Variants in SCARB2 observed in about 807,000 individuals in gnomAD.
SCARB2 encodes lysosome membrane protein 2.
SCARB2 carries 29 observed loss-of-function variants against 58.6 expected under a neutral mutation model. The observed-to-expected ratio is 0.49, with a 90% confidence interval of 0.37 to 0.67. The LOEUF (loss-of-function observed/expected upper bound fraction) is 0.67, where lower values mean the gene tolerates loss of function less well. Among genes scored for constraint, SCARB2 ranks in the 30% least tolerant of loss-of-function variants. The probability of loss-of-function intolerance (pLI) is 0.00; values close to 1 mark genes in which losing one functional copy is unlikely to be tolerated. For missense variants in SCARB2, 488 were observed against 578.5 expected (o/e 0.84, Z 1.60); for synonymous variants, 195 against 210.1 (o/e 0.93, Z 0.62).
At position 76,158,913 on chromosome 4, in the gene SCARB2, T is replaced by C. The variant is rs1731837615; in HGVS notation, c.*2800A>G. Reference sequence around the variant, plus strand: ...GTGATAATGTCCAGAGGGCCAAGGATGCGGACCACCTTTTGCAGAACTCAT... The same window carrying C: ...GTGATAATGTCCAGAGGGCCAAGGACGCGGACCACCTTTTGCAGAACTCAT... On this transcript the variant is annotated 3_prime_UTR_variant, in exon 12 of 12. Transcript: ENST00000264896. The C allele has an allele frequency of 6.6e-6, 1 of 152,234 alleles. No individual in the cohort carries two copies. Among genetic ancestry groups the C allele is most frequent in the Non-Finnish European group, 1.5e-5 (1 of 68,038 alleles). 9.4% of individuals were successfully genotyped at this position (152,234 alleles called of 1,614,324 possible). A position where few individuals can be genotyped will look rare whatever the true frequency, so the allele number is the denominator to read the frequency against.
intron 7 of SCARB2, among the ~76,000 whole-genome samples, chr4:76,170,798 G>C (rs1282987852): frequency 6.6e-6 from 1 of 151,996 alleles, no homozygotes; most frequent in Non-Finnish European, 1.5e-5. Context: ...GAGATTACAG[G>C]CTTGAGCCAC....
At chr4:76,174,409 G>C in intron 6 of SCARB2, 96 bp from the exon 7 acceptor site, 1 of 1,086,134 alleles carries the variant, frequency 9.2e-7, no homozygotes, top group Non-Finnish European at 1.4e-6. Flanking sequence ...GTACAACATG[G>C]CCAAAAGCTC....
rs1399290590 is a variant in SCARB2 at position 76,183,597 on chromosome 4, G to T, written c.276-2496C>A. On this transcript the variant is annotated intron_variant, in intron 2 of 11. Transcript: ENST00000264896. ...ACTCTCCAGGAACCTCCCCATGTTTGGTTCTCTGGAAACTCTCCAAATTCA... is the reference window on the plus strand; with the variant it reads ...ACTCTCCAGGAACCTCCCCATGTTTTGTTCTCTGGAAACTCTCCAAATTCA... Among the ~76,000 whole-genome samples the T allele has an allele frequency of 5.9e-5, 9 of 152,204 alleles. No homozygotes were observed. The East Asian group carries it at 7.7e-4, about 13-fold the overall frequency.
rs1731885810 is a variant in SCARB2 at position 76,160,954 on chromosome 4, A to G, written c.*759T>C. 1 of 152,228 alleles carries G rather than the reference A, an allele frequency of 6.6e-6. No homozygotes were observed. The highest frequency in any genetic ancestry group is 1.5e-5 in the Non-Finnish European group (1 of 68,048). 9.4% of individuals were successfully genotyped at this position (152,228 alleles called of 1,614,324 possible). A position where few individuals can be genotyped will look rare whatever the true frequency, so the allele number is the denominator to read the frequency against. ...ACTATCCACAAGCATCATAACTAGC[A>G]ATTAATTCTACATGAAATATCTGTA... On this transcript the variant is annotated 3_prime_UTR_variant, in exon 12 of 12. Coordinates refer to ENST00000264896, the MANE Select transcript of SCARB2 (RefSeq NM_005506.4).
At chr4:76,209,206 T>C (rs768911323) in intron 1 of SCARB2, among the ~76,000 whole-genome samples, 27 of 152,256 alleles carry the variant, frequency 1.8e-4, no homozygotes, top group Admixed American at 4.6e-4. Flanking sequence ...GGAGATGAGG[T>C]AGATATGCAA....
At chr4:76,225,474 G>C (rs959333858) in intron 1 of SCARB2, among the ~76,000 whole-genome samples, 3 of 152,144 alleles carry the variant, frequency 2.0e-5, no homozygotes, top group Non-Finnish European at 4.4e-5. Flanking sequence ...CCAGTTCTTA[G>C]GGAAATGCTT....
intron 1 of SCARB2, among the ~76,000 whole-genome samples, chr4:76,220,640 T>A (rs1733291340): frequency 6.6e-6 from 1 of 152,182 alleles, no homozygotes; most frequent in Admixed American, 6.5e-5. Context: ...AAGAATGAAG[T>A]CCTGATACAT....
At position 76,161,541 on chromosome 4, in the gene SCARB2, C is replaced by G; in HGVS notation, c.*172G>C. ...GATTTTATAAAGCTTAATGGCCAGC[C>G]ATGTCAGCCTGCTCTTTAACCTCTG... On this transcript the variant is annotated 3_prime_UTR_variant, in exon 12 of 12. Coordinates refer to ENST00000264896, the MANE Select transcript of SCARB2 (RefSeq NM_005506.4). 5 of 676,546 alleles carry G rather than the reference C, an allele frequency of 7.4e-6. No individual in the cohort carries two copies. The South Asian group carries it at 8.5e-5, about 11-fold the overall frequency. 41.9% of individuals were successfully genotyped at this position (676,546 alleles called of 1,614,324 possible).
chr4:76,222,213 ATATTTCC>A (rs1560727571), intron 1 of SCARB2, among the ~76,000 whole-genome samples: 1 of 151,428 alleles, frequency 6.6e-6, no homozygotes, highest in Non-Finnish European at 1.5e-5. Context: ...TCTGGGCATC[ATATTTCC>A]TATCTTCTTT....
intron 1 of SCARB2, among the ~76,000 whole-genome samples, chr4:76,209,695 A>G (rs1218773181): frequency 1.3e-5 from 2 of 152,242 alleles, no homozygotes; most frequent in Non-Finnish European, 2.9e-5. Context: ...GAATCGGTAG[A>G]ACAGCTCCAG....
At position 76,161,062 on chromosome 4, in the gene SCARB2, A is replaced by G. The variant is rs1335498313; in HGVS notation, c.*651T>C. Reference sequence around the variant, plus strand: ...AAATCCTTAGGAGCTTATCACTATCAACTCATGGGTATTGCCCCACCCAAC... The same window carrying G: ...AAATCCTTAGGAGCTTATCACTATCGACTCATGGGTATTGCCCCACCCAAC... On this transcript the variant is annotated 3_prime_UTR_variant, in exon 12 of 12. Transcript: ENST00000264896. 6.5e-6 allele frequency: 1 copy of G among 153,624 alleles called. No individual in the cohort carries two copies. Among genetic ancestry groups the G allele is most frequent in the Non-Finnish European group, 1.5e-5 (1 of 68,842 alleles). 9.5% of individuals were successfully genotyped at this position (153,624 alleles called of 1,614,324 possible).
chr4:76,176,624 C>A, intron 4 of SCARB2, 96 bp from the exon 5 acceptor site: 3 of 804,028 alleles, frequency 3.7e-6, no homozygotes, highest in Non-Finnish European at 6.4e-6. Context: ...CAAACACTAG[C>A]CCAGATGGTG....
rs778888489 is a variant in SCARB2, at chr4:76,174,184, G to C, written c.954C>G (p.Cys318Trp). Residue 318 changes from cysteine to tryptophan, a missense_variant, in exon 7 of 12, where the codon TGC becomes TGG. Coordinates refer to ENST00000264896, the MANE Select transcript of SCARB2 (RefSeq NM_005506.4). ...TGACATTCAGAACTCCTGAGCCCAG[G>C]CAGTTTCCCTCAGGTATACAGAAGC... The part of the protein sequence containing the change: ...NAGFCIPEGN[C>W]LGSGVLNVSI... The C allele has an allele frequency of 6.2e-7, 1 of 1,614,092 alleles. No homozygotes were observed. The highest frequency in any genetic ancestry group is 2.2e-5 in the East Asian group (1 of 44,872).
At chr4:76,228,546 T>G in intron 1 of SCARB2, among the ~76,000 whole-genome samples, 1 of 152,130 alleles carries the variant, frequency 6.6e-6, no homozygotes, top group East Asian at 1.9e-4. Flanking sequence ...AGTGCTGGCT[T>G]GTGGCAAATT....
At chr4:76,227,114 C>A (rs942667723) in intron 1 of SCARB2, among the ~76,000 whole-genome samples, 2 of 151,948 alleles carry the variant, frequency 1.3e-5, no homozygotes, top group African/African-American at 4.8e-5. Context: ...GAGGTGTGAC[C>A]TTAGAGTGTC....
Position 76,195,880 on chromosome 4 carries a change from A to C in SCARB2, c.118-16T>G, listed in dbSNP as rs1356324883. ...ACACAATTTTCTAGGAAAAAACCAA[A>C]AGGAGATTTACAAAAATGTAAGGCA... On this transcript the variant is annotated splice_polypyrimidine_tract_variant and intron_variant, in intron 1 of 11. Transcript: ENST00000264896. 6 of 1,605,432 alleles carry C rather than the reference A, an allele frequency of 3.7e-6. No individual in the cohort carries two copies. In the South Asian group the frequency reaches 6.7e-5, roughly 18 times the overall value.
intron 1 of SCARB2, among the ~76,000 whole-genome samples, chr4:76,211,346 G>A (rs1733041701): frequency 1.6e-5 from 2 of 121,410 alleles, no homozygotes. Context: ...CAATGAAATT[G>A]AGGACCAAGT....
In SCARB2 at chr4:76,179,664, G is replaced by C. The variant is rs1732338019; in HGVS notation, c.465C>G (p.Ile155Met). ...GATAGGCTTTCAACATGGCCTCGATGATCTCCCTGAGGAAGTGCACCTGGG... is the reference window on the plus strand; with the variant it reads ...GATAGGCTTTCAACATGGCCTCGATCATCTCCCTGAGGAAGTGCACCTGGG... Reference protein sequence around the residue: ...EWSQVHFLREIIEAMLKAYQQ... With the variant: ...EWSQVHFLREMIEAMLKAYQQ... Residue 155 changes from isoleucine (I) to methionine (M), a missense_variant, in exon 4 of 12, where the codon ATC becomes ATG. By Grantham distance (10) the Ile-to-Met change is conservative. Coordinates refer to ENST00000264896, the MANE Select transcript of SCARB2 (RefSeq NM_005506.4). 2 of 1,614,120 alleles carry C rather than the reference G, an allele frequency of 1.2e-6. No homozygotes were observed. The highest frequency in any genetic ancestry group is 2.2e-5 in the East Asian group (1 of 44,894).
chr4:76,171,099 T>C (rs1732120799), intron 7 of SCARB2, among the ~76,000 whole-genome samples: 1 of 151,974 alleles, frequency 6.6e-6, no homozygotes, highest in Non-Finnish European at 1.5e-5. Flanking sequence ...CGGCAAGTTA[T>C]TTAAATTTGC....
Sources: gnomAD v4.1 joint callset for allele counts (sites outside exome capture counted in the v4.1 genomes callset) on GRCh38, gnomAD v4.1.1 for gene constraint, MANE v1.5 for transcripts, NCBI Gene and HGNC (gene_info 2026-07-23, HGNC 2026-07-21) for gene names.